GAS7: variants seen among roughly 807,000 people sequenced by gnomAD.
The protein encoded by GAS7 is growth arrest specific 7, also known as growth arrest-specific protein 7.
In GAS7, 28 loss-of-function variants were observed where a neutral mutation model predicts 71.1. The ratio of observed to expected loss-of-function variants is 0.39; its 90% CI spans 0.29 to 0.54. GAS7 has a LOEUF of 0.54. Among genes scored for constraint, GAS7 ranks in the 20% least tolerant of loss-of-function variants. GAS7 has a pLI of 0.62. For missense variants in GAS7, 436 were observed against 627.8 expected (o/e 0.69, Z 3.27); for synonymous variants, 258 against 245.8 (o/e 1.05, Z -0.46).
At chr17:9,962,181 T>C (rs2069522454) in intron 4 of GAS7, among the ~76,000 whole-genome samples, 1 of 152,062 alleles carries the variant, frequency 6.6e-6, no homozygotes, top group African/African-American at 2.4e-5. Flanking sequence ...GCTCTGCCTG[T>C]GCTGCTGATA....
intron 1 of GAS7, among the ~76,000 whole-genome samples, chr17:10,079,185 G>A (rs1260517776): frequency 6.6e-6 from 1 of 152,188 alleles, no homozygotes; most frequent in African/African-American, 2.4e-5. Context: ...ATTGTTACAA[G>A]TGGTGGACTC....
chr17:9,997,740 G>T (rs1259119114), intron 2 of GAS7, among the ~76,000 whole-genome samples: 2 of 152,228 alleles, frequency 1.3e-5, no homozygotes, highest in Non-Finnish European at 2.9e-5. Flanking sequence ...ATAAATCAGG[G>T]ATTCTGTAAC....
At chr17:10,024,194 C>A (rs2072380634) in intron 1 of GAS7, among the ~76,000 whole-genome samples, 1 of 152,140 alleles carries the variant, frequency 6.6e-6, no homozygotes, top group African/African-American at 2.4e-5. Context: ...GTTAGACCTT[C>A]CTACCTTCAA....
chr17:10,073,748 G>A (rs185569749), intron 1 of GAS7, among the ~76,000 whole-genome samples: 22 of 152,296 alleles, frequency 1.4e-4, no homozygotes, highest in Admixed American at 2.0e-4. Flanking sequence ...CTACACGGGC[G>A]CTTGAGGAAT....
chr17:9,950,115 C>T (rs892929058), intron 5 of GAS7, among the ~76,000 whole-genome samples: 4 of 152,038 alleles, frequency 2.6e-5, no homozygotes, highest in African/African-American at 7.2e-5. Flanking sequence ...CCACCCTCCT[C>T]GGCCTCCCAA....
chr17:9,957,694 T>C (rs16959082), intron 5 of GAS7, among the ~76,000 whole-genome samples: 9,377 of 151,604 alleles, frequency 0.062, 595 homozygotes, highest in African/African-American at 0.15. Context: ...CTGTACCCTC[T>C]GGAACTCTGC....
intron 1 of GAS7, among the ~76,000 whole-genome samples, chr17:10,064,779 C>T (rs150302145): frequency 3.3e-5 from 5 of 152,164 alleles, no homozygotes; most frequent in African/African-American, 1.2e-4. Context: ...TTGATCAAAC[C>T]ATGCCTGAAG....
intron 1 of GAS7, among the ~76,000 whole-genome samples, chr17:10,052,247 G>A (rs2073072451): frequency 6.6e-6 from 1 of 152,204 alleles, no homozygotes; most frequent in Non-Finnish European, 1.5e-5. Context: ...CTCCTCTGCG[G>A]CGTCTAGGAA....
Position 10,019,847 on chromosome 17 carries a change from G to A in GAS7, c.234C>T (p.Ile78=). ...PPPGEESQTV[I]LPPGWQSYLS... is the part of the protein sequence containing the mutation. ...GGTAGCTCTGCCAGCCAGGTGGAAG[G>A]ATGACCGTCTGGCTTTCTTCTCCCG... Residue 78 remains isoleucine, a synonymous_variant, in exon 2 of 14, where the codon ATC becomes ATT. Coordinates refer to ENST00000432992, the MANE Select transcript of GAS7 (RefSeq NM_201433.2). The A allele has an allele frequency of 5.6e-6, 9 of 1,613,688 alleles. No individual in the cohort carries two copies. Among genetic ancestry groups the A allele is most frequent in the Non-Finnish European group, 7.6e-6 (9 of 1,179,584 alleles).
chr17:10,035,604 T>A (rs1222222131), intron 1 of GAS7, among the ~76,000 whole-genome samples: 1 of 152,114 alleles, frequency 6.6e-6, no homozygotes, highest in African/African-American at 2.4e-5. Context: ...GGAGACCATG[T>A]ACCAAAACAG....
chr17:9,935,358 A>C (rs1328984201), intron 8 of GAS7, among the ~76,000 whole-genome samples: 1 of 152,220 alleles, frequency 6.6e-6, no homozygotes, highest in Non-Finnish European at 1.5e-5. Flanking sequence ...AGACTTGCCA[A>C]TGCAGGCCCC....
chr17:10,176,387 G>A lies in GAS7; in HGVS notation c.183+21821C>T, dbSNP rs185037823. 3.9e-5 allele frequency among the ~76,000 whole-genome samples: 6 copies of A among 152,230 alleles called. No individual in the cohort carries two copies. The South Asian group carries it at 1.0e-3, about 26-fold the overall frequency. ...TCCCCCACTCTCCTCCCTGCACAGC[G>A]TCTCTTAGCACCGCTTGCATTCATC... On this transcript the variant is annotated intron_variant, in intron 1 of 13. Transcript: ENST00000432992.
chr17:9,991,752 G>A (rs1378906180), intron 2 of GAS7, among the ~76,000 whole-genome samples: 1 of 152,112 alleles, frequency 6.6e-6, no homozygotes, highest in Non-Finnish European at 1.5e-5. Context: ...CCAAACTTGG[G>A]TTGAAGGGCA....
intron 1 of GAS7, among the ~76,000 whole-genome samples, chr17:10,041,174 A>AAAAAAAGAAG (rs1555528019): frequency 2.0e-5 from 3 of 151,044 alleles, no homozygotes; most frequent in African/African-American, 7.4e-5. Flanking sequence ...AAAAAAAAAA[A>AAAAAAAGAAG]AAGAAGAAGG....
In GAS7 at chr17:9,956,081, G is replaced by A. The variant is rs975579995; in HGVS notation, c.525+3121C>T. Among the ~76,000 whole-genome samples the A allele has an allele frequency of 9.2e-5, 14 of 152,342 alleles. No homozygotes were observed. In the South Asian group the frequency reaches 2.9e-3, roughly 32 times the overall value. On this transcript the variant is annotated intron_variant, in intron 5 of 13. Coordinates refer to ENST00000432992, the MANE Select transcript of GAS7 (RefSeq NM_201433.2). ...ACTGAACACACGTGTGACCAAGGGG[G>A]CTGACATACGGAGGCCCCAAGGCAT...
intron 1 of GAS7, among the ~76,000 whole-genome samples, chr17:10,106,989 C>A (rs1018807930): frequency 1.6e-4 from 24 of 152,154 alleles, no homozygotes; most frequent in Admixed American, 1.5e-3. Flanking sequence ...CACAGTCCCA[C>A]TGGACTGTGG....
intron 1 of GAS7, among the ~76,000 whole-genome samples, chr17:10,196,585 G>A (rs985141610): frequency 5.3e-5 from 8 of 151,968 alleles, no homozygotes; most frequent in Non-Finnish European, 7.4e-5. Flanking sequence ...TCCCTTTCCC[G>A]GAAGAAAAAG....
chr17:10,168,741 G>C (rs1474130341), intron 1 of GAS7, among the ~76,000 whole-genome samples: 2 of 152,194 alleles, frequency 1.3e-5, no homozygotes, highest in East Asian at 3.8e-4. Flanking sequence ...GGGAGGCTGA[G>C]GCGGGCGGAT....
chr17:10,130,140 G>C (rs1430972514), intron 1 of GAS7, among the ~76,000 whole-genome samples: 1 of 150,664 alleles, frequency 6.6e-6, no homozygotes, highest in African/African-American at 2.4e-5. Context: ...CTGCACTCCA[G>C]CCTGGATGAC....
Sources: gnomAD v4.1 joint callset for allele counts (sites outside exome capture counted in the v4.1 genomes callset) on GRCh38, gnomAD v4.1.1 for gene constraint, MANE v1.5 for transcripts, NCBI Gene and HGNC (gene_info 2026-07-23, HGNC 2026-07-21) for gene names.